Variants in PDE1C observed in about 807,000 individuals in gnomAD.
The protein encoded by PDE1C is dual specificity calcium/calmodulin-dependent 3',5'-cyclic nucleotide phosphodiesterase 1C.
A neutral mutation model predicts 93.1 loss-of-function variants in PDE1C; 62 were observed. That is an observed-to-expected ratio of 0.67 (90% CI 0.54 to 0.82). PDE1C has a LOEUF of 0.82. Ranked by LOEUF, PDE1C falls within the 40% of genes least tolerant of loss-of-function variation. The pLI is 0.00. For missense variants in PDE1C, 742 were observed against 884.6 expected (o/e 0.84, Z 2.04); for synonymous variants, 325 against 310.1 (o/e 1.05, Z -0.50).
At chr7:31,997,729 C>A (rs1171015291) in intron 2 of PDE1C, among the ~76,000 whole-genome samples, 1 of 152,136 alleles carries the variant, frequency 6.6e-6, no homozygotes, top group Non-Finnish European at 1.5e-5. Context: ...GAGTGTTTCA[C>A]CCAGATAGTG....
intron 1 of PDE1C, among the ~76,000 whole-genome samples, chr7:32,397,220 C>T (rs943487924): frequency 6.6e-6 from 1 of 151,952 alleles, no homozygotes; most frequent in African/African-American, 2.4e-5. Context: ...GATAAAGGGC[C>T]AATATCCTAA....
intron 2 of PDE1C, among the ~76,000 whole-genome samples, chr7:32,041,214 A>G (rs1791765851): frequency 6.6e-6 from 1 of 152,206 alleles, no homozygotes; most frequent in Non-Finnish European, 1.5e-5. Context: ...AACAGATTCC[A>G]GTAGGCAGGG....
chr7:31,905,751 CA>C (rs1188386084), intron 2 of PDE1C, among the ~76,000 whole-genome samples: 2 of 152,090 alleles, frequency 1.3e-5, no homozygotes, highest in African/African-American at 2.4e-5. Flanking sequence ...TGTCCCTACC[CA>C]AATCTTATCT....
chr7:31,792,112 T>A (rs1784651338), intron 16 of PDE1C, among the ~76,000 whole-genome samples: 1 of 152,096 alleles, frequency 6.6e-6, no homozygotes, highest in Non-Finnish European at 1.5e-5. Flanking sequence ...TGTGACGTGA[T>A]GACCTGAGTC....
At chr7:32,180,640 C>T (rs1018259142) in intron 2 of PDE1C, among the ~76,000 whole-genome samples, 3 of 152,196 alleles carry the variant, frequency 2.0e-5, no homozygotes, top group Admixed American at 6.5e-5. Flanking sequence ...TTCTCCAGAA[C>T]TGTGAGAAAT....
the PDE1C span, among the ~76,000 whole-genome samples, chr7:31,619,623 G>C: frequency 2.0e-5 from 3 of 152,048 alleles, no homozygotes; most frequent in African/African-American, 7.2e-5. Flanking sequence ...AGAAGGGGGA[G>C]GAGCCAAGAT....
chr7:32,327,125 G>T (rs1200992060), intron 1 of PDE1C, among the ~76,000 whole-genome samples: 1 of 152,108 alleles, frequency 6.6e-6, no homozygotes, highest in Non-Finnish European at 1.5e-5. Flanking sequence ...AACCTCCATT[G>T]GCTGTACTGC....
chr7:32,266,122 TA>T lies in PDE1C; in HGVS notation c.85+32528del, dbSNP rs1016746176. On this transcript the variant is annotated intron_variant, in intron 1 of 18. Coordinates refer to the PDE1C transcript ENST00000396193. Reference sequence around the variant, plus strand: ...ACCCCATCTCTACTAAAAATAAAAATAAAAAAAAAATTAGCTGGGTGTGGTG... The same window carrying T: ...ACCCCATCTCTACTAAAAATAAAAATAAAAAAAAATTAGCTGGGTGTGGTG... Among the ~76,000 whole-genome samples, 873 of 146,188 alleles carry T rather than the reference TA, an allele frequency of 6.0e-3. 4 individuals carry two copies. The highest frequency in any genetic ancestry group is 0.021 in the African/African-American group (825 of 39,406).
At chr7:31,627,931 T>C in the PDE1C span, among the ~76,000 whole-genome samples, 1 of 152,186 alleles carries the variant, frequency 6.6e-6, no homozygotes, top group Admixed American at 6.5e-5. Context: ...CAAAAGGGTT[T>C]AACTGAAGAG....
At position 31,752,056 on chromosome 7, in the gene PDE1C, T is replaced by A. The variant is rs1794167094; in HGVS notation, c.*1328A>T. ...ATTATCATTAATCTTCAATACAAAG[T>A]GCAGAGTGTGTATATGAATCCTAGT... is the stretch of plus-strand genomic sequence containing the variant. On this transcript the variant is annotated 3_prime_UTR_variant, in exon 18 of 18. Coordinates refer to ENST00000396191, the MANE Select transcript of PDE1C (RefSeq NM_001191057.4). The A allele has an allele frequency of 6.6e-6, 1 of 152,136 alleles. No homozygotes were observed. The highest frequency in any genetic ancestry group is 1.5e-5 in the Non-Finnish European group (1 of 68,038). 9.4% of individuals were successfully genotyped at this position (152,136 alleles called of 1,614,324 possible). A position where few individuals can be genotyped will look rare whatever the true frequency, so the allele number is the denominator to read the frequency against.
At chr7:31,966,877 T>G (rs1810070770) in intron 2 of PDE1C, among the ~76,000 whole-genome samples, 1 of 152,006 alleles carries the variant, frequency 6.6e-6, no homozygotes, top group African/African-American at 2.4e-5. Context: ...CATAATGAAA[T>G]GAAGGCAGAA....
chr7:31,886,841 T>TTCGGATCTATTCTGAATAGATCTA, intron 2 of PDE1C, among the ~76,000 whole-genome samples: 1 of 2,634 alleles, frequency 3.8e-4, no homozygotes, highest in Non-Finnish European at 1.2e-3. Context: ...GAATAGATCT[T>TTCGGATCTATTCTGAATAGATCTA]TTCGGATCTT....
intron 1 of PDE1C, among the ~76,000 whole-genome samples, chr7:32,374,290 A>AGAAC (rs1784394473): frequency 6.6e-6 from 1 of 150,686 alleles, no homozygotes; most frequent in Non-Finnish European, 1.5e-5. Flanking sequence ...AAAGAAAGAA[A>AGAAC]GAAAGAAAGA....
intron 1 of PDE1C, among the ~76,000 whole-genome samples, chr7:32,330,904 C>G (rs1324368864): frequency 6.6e-6 from 1 of 152,196 alleles, no homozygotes; most frequent in Non-Finnish European, 1.5e-5. Flanking sequence ...ACAAGGCCAT[C>G]GGTCCCCTGG....
At position 31,795,428 on chromosome 7, in the gene PDE1C, A is replaced by G. The variant is rs542966552; in HGVS notation, c.1891+13603T>C. Reference sequence around the variant, plus strand: ...ACATCTTGAACATCAGTATTAAGGAAAAAAGAAAAATCACACCTTGCCCCG... The same window carrying G: ...ACATCTTGAACATCAGTATTAAGGAGAAAAGAAAAATCACACCTTGCCCCG... On this transcript the variant is annotated intron_variant, in intron 16 of 17. Transcript: ENST00000396191. Among the ~76,000 whole-genome samples the G allele has an allele frequency of 3.9e-5, 6 of 151,962 alleles. No individual in the cohort carries two copies. In the South Asian group the frequency reaches 8.3e-4, roughly 21 times the overall value.
chr7:31,826,503 T>C (rs1327231274), intron 12 of PDE1C, among the ~76,000 whole-genome samples: 2 of 152,144 alleles, frequency 1.3e-5, no homozygotes, highest in Non-Finnish European at 2.9e-5. Context: ...GCCTTTTTTT[T>C]CCTGACAAAT....
intron 9 of PDE1C, among the ~76,000 whole-genome samples, chr7:31,841,511 C>T (rs1280361201): frequency 6.6e-6 from 1 of 152,086 alleles, no homozygotes; most frequent in Non-Finnish European, 1.5e-5. Flanking sequence ...GTTTTTCACA[C>T]ATGCACTTTA....
chr7:32,220,992 T>C (rs1036049830), intron 1 of PDE1C, among the ~76,000 whole-genome samples: 11 of 152,188 alleles, frequency 7.2e-5, no homozygotes, highest in Non-Finnish European at 1.6e-4. Context: ...GAAGCTCTTC[T>C]TCGTAATGAT....
At chr7:31,971,198 T>C (rs1810907967) in intron 2 of PDE1C, among the ~76,000 whole-genome samples, 1 of 152,172 alleles carries the variant, frequency 6.6e-6, no homozygotes. Flanking sequence ...TCAGAGGAAA[T>C]GTATCACTGT....
Sources: allele counts gnomAD v4.1 joint callset (sites outside exome capture counted in the v4.1 genomes callset), GRCh38; gene constraint gnomAD v4.1.1; transcripts MANE v1.5; gene names NCBI Gene and HGNC (gene_info 2026-07-23, HGNC 2026-07-21).